LHFPL3: variants seen among roughly 807,000 people sequenced by gnomAD.
The protein encoded by LHFPL3 is LHFPL tetraspan subfamily member 3, also known as LHFPL tetraspan subfamily member 3 protein.
LHFPL3 carries 5 observed loss-of-function variants against 19.3 expected under a neutral mutation model. The ratio of observed to expected loss-of-function variants is 0.26; its 90% CI spans 0.14 to 0.54. The LOEUF (loss-of-function observed/expected upper bound fraction) is 0.54, where lower values mean the gene tolerates loss of function less well. LHFPL3 is among the 20% of genes least tolerant of loss of function. LHFPL3 has a pLI of 0.94. For synonymous variants in LHFPL3, 133 were observed against 126.2 expected (o/e 1.05, Z -0.36); for missense variants, 249 against 307.4 (o/e 0.81, Z 1.42).
At chr7:104,491,111 A>G (rs1031682680) in intron 1 of LHFPL3, among the ~76,000 whole-genome samples, 38 of 151,928 alleles carry the variant, frequency 2.5e-4, no homozygotes, top group Admixed American at 2.3e-3. Flanking sequence ...CCTCAGTCCA[A>G]CTATGACTCT....
intron 1 of LHFPL3, among the ~76,000 whole-genome samples, chr7:104,560,658 G>C (rs1015068414): frequency 1.3e-5 from 2 of 151,002 alleles, no homozygotes; most frequent in Non-Finnish European, 2.9e-5. Flanking sequence ...TTTTTTTGAA[G>C]AGTTTTTTGT....
intron 1 of LHFPL3, among the ~76,000 whole-genome samples, chr7:104,339,057 G>C (rs981627004): frequency 8.5e-5 from 13 of 152,154 alleles, no homozygotes; most frequent in African/African-American, 3.1e-4. Context: ...AGACCAGCCT[G>C]ACCAACATGG....
chr7:104,447,594 T>C (rs1353521379), intron 1 of LHFPL3, among the ~76,000 whole-genome samples: 1 of 152,136 alleles, frequency 6.6e-6, no homozygotes, highest in Non-Finnish European at 1.5e-5. Flanking sequence ...GTTTTTTGTT[T>C]GTTTCTTTGT....
chr7:104,709,363 G>A (rs1487380708), intron 1 of LHFPL3, among the ~76,000 whole-genome samples: 1 of 115,088 alleles, frequency 8.7e-6, no homozygotes, highest in East Asian at 3.8e-4. Context: ...GGTTTTCCTA[G>A]ACAGAGGACC....
intron 1 of LHFPL3, among the ~76,000 whole-genome samples, chr7:104,617,948 T>C (rs545195697): frequency 6.6e-6 from 1 of 152,230 alleles, no homozygotes; most frequent in Admixed American, 6.5e-5. Context: ...AAGAATCAAA[T>C]CATCTCACTG....
intron 2 of LHFPL3, among the ~76,000 whole-genome samples, chr7:104,767,080 T>C (rs926230413): frequency 1.3e-5 from 2 of 152,220 alleles, no homozygotes; most frequent in African/African-American, 4.8e-5. Context: ...ATCACAAACA[T>C]AATAAAAGTT....
At chr7:104,411,438 A>G (rs558703931) in intron 1 of LHFPL3, among the ~76,000 whole-genome samples, 147 of 152,284 alleles carry the variant, frequency 9.7e-4, no homozygotes, top group East Asian at 4.2e-3. Context: ...TGGAGGAATG[A>G]TCATTTATAT....
chr7:104,494,105 C>G (rs1793410795), intron 1 of LHFPL3, among the ~76,000 whole-genome samples: 1 of 152,150 alleles, frequency 6.6e-6, no homozygotes, highest in Non-Finnish European at 1.5e-5. Context: ...GCTAGGGCTG[C>G]TAGAGAGCAT....
intron 1 of LHFPL3, among the ~76,000 whole-genome samples, chr7:104,332,223 CTTTTTTTT>C (rs1183733733): frequency 1.6e-5 from 1 of 63,934 alleles, no homozygotes; most frequent in Non-Finnish European, 2.6e-5. Context: ...TATTTCTTTT[CTTTTTTTT>C]TTTTTTTTTT....
intron 2 of LHFPL3, among the ~76,000 whole-genome samples, chr7:104,795,444 G>A (rs954972384): frequency 6.6e-6 from 1 of 152,142 alleles, no homozygotes; most frequent in East Asian, 1.9e-4. Flanking sequence ...TGTTCATTAA[G>A]ACAGCGATTC....
At chr7:104,858,564 T>C (rs1791553863) in intron 2 of LHFPL3, among the ~76,000 whole-genome samples, 1 of 152,120 alleles carries the variant, frequency 6.6e-6, no homozygotes, top group Non-Finnish European at 1.5e-5. Flanking sequence ...AACCTCCTCC[T>C]CTTTGCCCAA....
intron 2 of LHFPL3, among the ~76,000 whole-genome samples, chr7:104,844,086 T>A (rs1791267012): frequency 6.6e-6 from 1 of 152,140 alleles, no homozygotes; most frequent in Non-Finnish European, 1.5e-5. Flanking sequence ...AGACTAAGTG[T>A]CCCATCCTTC....
chr7:104,459,082 T>G (rs1792608280), intron 1 of LHFPL3, among the ~76,000 whole-genome samples: 2 of 152,248 alleles, frequency 1.3e-5, no homozygotes, highest in South Asian at 4.1e-4. Flanking sequence ...GTAGCGCTTC[T>G]GCTCTGGCAG....
At chr7:104,590,473 A>G (rs2115629093) in intron 1 of LHFPL3, among the ~76,000 whole-genome samples, 1 of 152,316 alleles carries the variant, frequency 6.6e-6, no homozygotes, top group African/African-American at 2.4e-5. Flanking sequence ...CTGTGGTCTG[A>G]GAGACAGTTT....
At chr7:104,721,528 T>G (rs1002436336) in intron 1 of LHFPL3, among the ~76,000 whole-genome samples, 24 of 147,846 alleles carry the variant, frequency 1.6e-4, no homozygotes, top group Non-Finnish European at 9.0e-5. Context: ...CCCTAGAACT[T>G]AAAGTATAAT....
At chr7:104,511,142 A>G (rs981262288) in intron 1 of LHFPL3, among the ~76,000 whole-genome samples, 3 of 152,196 alleles carry the variant, frequency 2.0e-5, no homozygotes, top group Non-Finnish European at 2.9e-5. Flanking sequence ...CAGACAAACC[A>G]ATTAGAAAAT....
chr7:104,385,632 T>C (rs1042566540), intron 1 of LHFPL3, among the ~76,000 whole-genome samples: 5 of 152,258 alleles, frequency 3.3e-5, no homozygotes, highest in Non-Finnish European at 5.9e-5. Context: ...ATGCATTCAC[T>C]CAGTCAATCA....
intron 1 of LHFPL3, among the ~76,000 whole-genome samples, chr7:104,648,036 G>A (rs1791962749): frequency 6.6e-6 from 1 of 152,198 alleles, no homozygotes; most frequent in African/African-American, 2.4e-5. Flanking sequence ...TATGAGGAAT[G>A]CCCCTAATGA....
intron 2 of LHFPL3, among the ~76,000 whole-genome samples, chr7:104,863,697 G>A (rs773125875): frequency 3.9e-5 from 6 of 152,182 alleles, no homozygotes; most frequent in Non-Finnish European, 7.3e-5. Context: ...TGAGAACACC[G>A]GCTCAGAGAC....
Sources: gnomAD v4.1 joint callset for allele counts (sites outside exome capture counted in the v4.1 genomes callset) on GRCh38, gnomAD v4.1.1 for gene constraint, MANE v1.5 for transcripts, NCBI Gene and HGNC (gene_info 2026-07-23, HGNC 2026-07-21) for gene names.